DACH2: variants seen among roughly 807,000 people sequenced by gnomAD.
The protein encoded by DACH2 is dachshund family transcription factor 2.
Under a neutral mutation model 35.8 loss-of-function variants are expected in DACH2, and 17 were observed. That is an observed-to-expected ratio of 0.48 (90% CI 0.33 to 0.71). The LOEUF is 0.71. DACH2 is among the 30% of genes least tolerant of loss of function. DACH2 has a pLI of 0.02. For missense variants in DACH2, 469 were observed against 472.7 expected (o/e 0.99, Z 0.07); for synonymous variants, 195 against 177.3 (o/e 1.10, Z -0.79).
intron 1 of DACH2, among the ~76,000 whole-genome samples, chrX:86,294,736 G>A (rs773528261): frequency 9.4e-4 from 103 of 110,079 alleles, no homozygotes; most frequent in African/African-American, 3.1e-3. Context: ...GCTGCTCAGG[G>A]GTCAGGGGTC....
chrX:86,799,013 C>G (rs1176114113), intron 7 of DACH2: 1 of 240,671 alleles, frequency 4.2e-6, no homozygotes, highest in African/African-American at 2.9e-5. Context: ...CAAATTCTCC[C>G]AAGTTCAGAA....
At chrX:86,270,039 ATTT>A (rs764916607) in intron 1 of DACH2, among the ~76,000 whole-genome samples, 5 of 94,056 alleles carry the variant, frequency 5.3e-5, no homozygotes, top group African/African-American at 1.9e-4. Context: ...ATATATATAT[ATTT>A]TTTTTTTTTC....
chrX:86,404,167 C>T (rs1007008493), intron 2 of DACH2, among the ~76,000 whole-genome samples: 3 of 110,327 alleles, frequency 2.7e-5, no homozygotes, highest in East Asian at 2.9e-4. Context: ...ATCATCCCAC[C>T]CCTGGCCCCT....
chrX:86,766,456 A>G (rs1237858635), intron 7 of DACH2, among the ~76,000 whole-genome samples: 1 of 111,710 alleles, frequency 9.0e-6, no homozygotes, highest in African/African-American at 3.3e-5. Flanking sequence ...GAATGCAGAC[A>G]TGGGAAGAGA....
At chrX:86,590,578 T>C (rs1235190703) in intron 3 of DACH2, among the ~76,000 whole-genome samples, 1 of 111,944 alleles carries the variant, frequency 8.9e-6, no homozygotes, top group East Asian at 2.8e-4. Context: ...TTTGGGTAAC[T>C]ACAAAGAAGC....
At chrX:86,545,518 T>C (rs2038945344) in intron 3 of DACH2, among the ~76,000 whole-genome samples, 1 of 111,980 alleles carries the variant, frequency 8.9e-6, no homozygotes, top group Admixed American at 9.5e-5. Context: ...ATAACAAACA[T>C]GCATATGTAC....
chrX:86,544,344 G>T (rs1159243822), intron 3 of DACH2, among the ~76,000 whole-genome samples: 1 of 111,059 alleles, frequency 9.0e-6, no homozygotes, highest in Non-Finnish European at 1.9e-5. Flanking sequence ...ATAGTCATCA[G>T]ATTATCCAAA....
rs186875847 is a variant in DACH2, at chrX:86,801,672, A to G, written c.1241-11184A>G. Among the ~76,000 whole-genome samples, 18 of 112,091 alleles carry G rather than the reference A, an allele frequency of 1.6e-4. No homozygotes were observed. The East Asian group carries it at 3.7e-3, about 23-fold the overall frequency. ...TGAAAGAGTTTATAGGAGGTGACAA[A>G]CTGTGAATTCTGTGTTATACAGACT... is the stretch of plus-strand genomic sequence containing the variant. On this transcript the variant is annotated intron_variant, in intron 7 of 11. Transcript: ENST00000373125.
At chrX:86,216,367 C>T (rs1421069761) in intron 1 of DACH2, among the ~76,000 whole-genome samples, 3 of 104,435 alleles carry the variant, frequency 2.9e-5, no homozygotes, top group African/African-American at 1.1e-4. Context: ...CAGCCCACCA[C>T]CCCCAAACAG....
At chrX:86,653,680 T>G (rs2040504998) in intron 4 of DACH2, among the ~76,000 whole-genome samples, 2 of 101,944 alleles carry the variant, frequency 2.0e-5, no homozygotes, top group African/African-American at 3.6e-5. Flanking sequence ...TTTTTTTTTT[T>G]TTTGAGACGG....
intron 2 of DACH2, among the ~76,000 whole-genome samples, chrX:86,507,731 G>T (rs892635886): frequency 1.8e-5 from 2 of 111,818 alleles, no homozygotes; most frequent in African/African-American, 6.5e-5. Context: ...TATTTTGTAT[G>T]CAGTCAGAAA....
intron 4 of DACH2, among the ~76,000 whole-genome samples, chrX:86,685,612 T>G (rs1276994776): frequency 9.0e-6 from 1 of 111,111 alleles, no homozygotes; most frequent in Non-Finnish European, 1.9e-5. Flanking sequence ...TGTTCAATAG[T>G]TCAGAAATAT....
chrX:86,810,198 A>G (rs1177926690), intron 7 of DACH2, among the ~76,000 whole-genome samples: 2 of 111,647 alleles, frequency 1.8e-5, no homozygotes, highest in African/African-American at 6.5e-5. Flanking sequence ...TCATCTTCAA[A>G]TAGAAGACTT....
Position 86,238,259 on chromosome X carries a change from G to T in DACH2, c.488+89151G>T, listed in dbSNP as rs758980809. Among the ~76,000 whole-genome samples, 4 of 111,918 alleles carry T rather than the reference G, an allele frequency of 3.6e-5. No individual in the cohort carries two copies. The South Asian group carries it at 1.5e-3, about 42-fold the overall frequency. On this transcript the variant is annotated intron_variant, in intron 1 of 11. Transcript: ENST00000373125. ...CCATCAGATTTCTCCTAATGATATGGGAAGCATTCAGAATATGTTTCTGGC... is the reference window on the plus strand; with the variant it reads ...CCATCAGATTTCTCCTAATGATATGTGAAGCATTCAGAATATGTTTCTGGC...
intron 3 of DACH2, among the ~76,000 whole-genome samples, chrX:86,586,227 G>A (rs979149440): frequency 9.0e-6 from 1 of 111,383 alleles, no homozygotes; most frequent in Non-Finnish European, 1.9e-5. Flanking sequence ...AAAAATGTCT[G>A]TTCATTTCCT....
chrX:86,207,044 G>A (rs1370707518), intron 1 of DACH2, among the ~76,000 whole-genome samples: 1 of 111,729 alleles, frequency 9.0e-6, no homozygotes, highest in Non-Finnish European at 1.9e-5. Flanking sequence ...TTGTTAAATA[G>A]TATACATTTT....
intron 7 of DACH2, among the ~76,000 whole-genome samples, chrX:86,774,787 T>C (rs1197750963): frequency 8.9e-6 from 1 of 112,139 alleles, no homozygotes; most frequent in African/African-American, 3.2e-5. Context: ...TTTATAATTG[T>C]GTGTGCCTGC....
At chrX:86,184,856 T>C (rs1470877102) in intron 1 of DACH2, among the ~76,000 whole-genome samples, 1 of 111,213 alleles carries the variant, frequency 9.0e-6, no homozygotes, top group African/African-American at 3.3e-5. Context: ...AAGTGCTTTA[T>C]AAGTATTATC....
intron 2 of DACH2, among the ~76,000 whole-genome samples, chrX:86,423,813 A>G (rs1212419610): frequency 1.8e-5 from 2 of 110,838 alleles, no homozygotes; most frequent in African/African-American, 6.5e-5. Context: ...TAGGTCTTCA[A>G]TCCATTTTGA....
Sources: allele counts gnomAD v4.1 joint callset (sites outside exome capture counted in the v4.1 genomes callset), GRCh38; gene constraint gnomAD v4.1.1; transcripts MANE v1.5; gene names NCBI Gene and HGNC (gene_info 2026-07-23, HGNC 2026-07-21).